NKAIN2: variants seen among roughly 807,000 people sequenced by gnomAD.
NKAIN2 encodes sodium/potassium-transporting ATPase subunit beta-1-interacting protein 2.
A neutral mutation model predicts 32.6 loss-of-function variants in NKAIN2; 14 were observed. That is an observed-to-expected ratio of 0.43 (90% CI 0.28 to 0.67). NKAIN2 has a LOEUF of 0.67. NKAIN2 is among the 30% of genes least tolerant of loss of function. The pLI is 0.17. For synonymous variants in NKAIN2, 80 were observed against 87.2 expected (o/e 0.92, Z 0.46); for missense variants, 198 against 258.3 (o/e 0.77, Z 1.60).
chr6:124,065,213 T>C (rs1425092077), intron 1 of NKAIN2, among the ~76,000 whole-genome samples: 2 of 147,912 alleles, frequency 1.4e-5, no homozygotes, highest in African/African-American at 5.0e-5. Context: ...ATCAGAAAAT[T>C]ACACACACAC....
At chr6:124,274,066 G>C (rs1261464477) in intron 1 of NKAIN2, among the ~76,000 whole-genome samples, 1 of 152,120 alleles carries the variant, frequency 6.6e-6, no homozygotes, top group Non-Finnish European at 1.5e-5. Context: ...AGTATAGGGA[G>C]ACTTTAAACT....
chr6:124,084,425 AT>A (rs138528099), intron 1 of NKAIN2, among the ~76,000 whole-genome samples: 4,414 of 152,060 alleles, frequency 0.029, 193 homozygotes, highest in African/African-American at 0.097. Flanking sequence ...GCCTAGACGT[AT>A]AGTAGATTAT....
At chr6:124,112,186 T>C (rs58204077) in intron 1 of NKAIN2, among the ~76,000 whole-genome samples, 7,098 of 152,238 alleles carry the variant, frequency 0.047, 554 homozygotes, top group African/African-American at 0.16. Flanking sequence ...ATGTTGCTGT[T>C]TAATGCCTTT....
chr6:124,168,077 G>T (rs1008294512), intron 1 of NKAIN2, among the ~76,000 whole-genome samples: 6 of 152,192 alleles, frequency 3.9e-5, no homozygotes, highest in Admixed American at 3.9e-4. Context: ...AATCATAGGT[G>T]AAGAGTTTGA....
intron 3 of NKAIN2, among the ~76,000 whole-genome samples, chr6:124,582,418 A>G (rs982079647): frequency 6.6e-6 from 1 of 152,214 alleles, no homozygotes; most frequent in Non-Finnish European, 1.5e-5. Flanking sequence ...CCAGGAAGAA[A>G]TCCAAAACGT....
rs752137437 is a variant in NKAIN2, at chr6:124,373,114, GA to G, written c.273+17770del. ...TAGAGATGCTTTTGGCTTTGATTGA[GA>G]AAGCAGTAATGGAGGCAGTAAAAAG... is the stretch of plus-strand genomic sequence containing the variant. On this transcript the variant is annotated intron_variant, in intron 3 of 6. Transcript: ENST00000368417. Among the ~76,000 whole-genome samples the G allele has an allele frequency of 1.7e-4, 26 of 152,262 alleles. No individual in the cohort carries two copies. The East Asian group carries it at 2.3e-3, about 14-fold the overall frequency.
chr6:124,727,885 A>G (rs1332593950), intron 4 of NKAIN2, among the ~76,000 whole-genome samples: 2 of 148,090 alleles, frequency 1.4e-5, no homozygotes, highest in African/African-American at 5.0e-5. Flanking sequence ...AACGGAAAAC[A>G]AAAAAAGGCA....
rs1307471688 is a variant in NKAIN2, at chr6:124,427,932, T to G, written c.273+72585T>G. On this transcript the variant is annotated intron_variant, in intron 3 of 6. Coordinates refer to ENST00000368417, the MANE Select transcript of NKAIN2 (RefSeq NM_001040214.3). ...TTAAAAATTATTTAAAATAAAATACTTAAAATTAAGTATTACTTAAGTTTT... is the reference window on the plus strand; with the variant it reads ...TTAAAAATTATTTAAAATAAAATACGTAAAATTAAGTATTACTTAAGTTTT... 1.3e-4 allele frequency among the ~76,000 whole-genome samples: 20 copies of G among 152,150 alleles called. 1 individual carries two copies.
chr6:123,943,881 A>G (rs1776942402), intron 1 of NKAIN2, among the ~76,000 whole-genome samples: 1 of 152,086 alleles, frequency 6.6e-6, no homozygotes, highest in East Asian at 1.9e-4. Flanking sequence ...ATATTGTAAT[A>G]ATGTTAAAAA....
intron 4 of NKAIN2, among the ~76,000 whole-genome samples, chr6:124,758,671 G>T (rs1460283121): frequency 6.6e-6 from 1 of 152,088 alleles, no homozygotes; most frequent in Non-Finnish European, 1.5e-5. Flanking sequence ...TATCCATTCT[G>T]CCAGGGAATT....
At chr6:123,943,654 A>G (rs916711762) in intron 1 of NKAIN2, among the ~76,000 whole-genome samples, 1 of 152,062 alleles carries the variant, frequency 6.6e-6, no homozygotes, top group Non-Finnish European at 1.5e-5. Context: ...TAGTCATTGC[A>G]CTGTACTGCT....
intron 2 of NKAIN2, among the ~76,000 whole-genome samples, chr6:124,344,043 T>A (rs1270402739): frequency 2.0e-5 from 3 of 152,164 alleles, no homozygotes; most frequent in Admixed American, 6.6e-5. Context: ...TTCAGCTTTC[T>A]CCATATGGCT....
At chr6:123,890,729 T>G (rs2114370858) in intron 1 of NKAIN2, among the ~76,000 whole-genome samples, 1 of 152,244 alleles carries the variant, frequency 6.6e-6, no homozygotes, top group South Asian at 2.1e-4. Context: ...CATGCATTGC[T>G]GATGAGAATA....
chr6:124,102,032 C>T (rs370502566), intron 1 of NKAIN2, among the ~76,000 whole-genome samples: 1 of 152,194 alleles, frequency 6.6e-6, no homozygotes, highest in Non-Finnish European at 1.5e-5. Flanking sequence ...GGTGGCAAGA[C>T]CTCTACCAAG....
chr6:124,494,831 A>T (rs1011193680), intron 3 of NKAIN2, among the ~76,000 whole-genome samples: 2 of 152,084 alleles, frequency 1.3e-5, no homozygotes, highest in African/African-American at 4.8e-5. Flanking sequence ...ATCCATATTT[A>T]AACTTCAGAA....
At chr6:124,789,765 G>GGTTC (rs1418793169) in intron 4 of NKAIN2, among the ~76,000 whole-genome samples, 1 of 151,924 alleles carries the variant, frequency 6.6e-6, no homozygotes, top group Non-Finnish European at 1.5e-5. Flanking sequence ...ATAAAGAAGT[G>GGTTC]GTTCTTACTA....
rs182759568 is a variant in NKAIN2 at position 124,677,737 on chromosome 6, T to G, written c.474+19351T>G. On this transcript the variant is annotated intron_variant, in intron 4 of 6. Transcript: ENST00000368417. ...TTTACTTCTATGTCAGAATTAAAAT[T>G]GATTTATGTACCATTACAGTTTTAC... Among the ~76,000 whole-genome samples the G allele has an allele frequency of 5.9e-5, 9 of 152,302 alleles. No homozygotes were observed. In the East Asian group the frequency reaches 1.7e-3, roughly 29 times the overall value.
intron 3 of NKAIN2, among the ~76,000 whole-genome samples, chr6:124,434,974 C>G (rs1287450710): frequency 1.3e-5 from 2 of 151,982 alleles, no homozygotes; most frequent in Admixed American, 1.3e-4. Context: ...TTATATGCAG[C>G]CATCATTCTT....
intron 3 of NKAIN2, among the ~76,000 whole-genome samples, chr6:124,602,404 G>C (rs562875514): frequency 6.6e-6 from 1 of 152,088 alleles, no homozygotes; most frequent in East Asian, 1.9e-4. Flanking sequence ...TATAAACGAT[G>C]ATTATTTAAC....
Sources: gnomAD v4.1 joint callset for allele counts (sites outside exome capture counted in the v4.1 genomes callset) on GRCh38, gnomAD v4.1.1 for gene constraint, MANE v1.5 for transcripts, NCBI Gene and HGNC (gene_info 2026-07-23, HGNC 2026-07-21) for gene names.